Variants in EIF2B3 observed in about 807,000 individuals in gnomAD.
EIF2B3 encodes the protein translation initiation factor eIF2B subunit gamma.
EIF2B3 carries 20 observed loss-of-function variants against 54.1 expected under a neutral mutation model. The observed-to-expected ratio is 0.37, with a 90% CI of 0.26 to 0.54. The LOEUF (loss-of-function observed/expected upper bound fraction) is 0.54, where lower values mean the gene tolerates loss of function less well. EIF2B3 is among the 20% of genes least tolerant of loss of function. The pLI, the probability that EIF2B3 is intolerant of heterozygous loss-of-function variation, is 0.86. For missense variants in EIF2B3, 448 were observed against 547.8 expected (o/e 0.82, Z 1.82); for synonymous variants, 153 against 188.1 (o/e 0.81, Z 1.52).
At chr1:44,853,525 G>C (rs12569156) in intron 11 of EIF2B3, among the ~76,000 whole-genome samples, 27,640 of 152,090 alleles carry the variant, frequency 0.18, 2,766 homozygotes, top group Admixed American at 0.28. Flanking sequence ...GAGGTCGCTT[G>C]AGCCCGGGAG....
chr1:44,929,865 C>T (rs1415033716), intron 4 of EIF2B3, among the ~76,000 whole-genome samples: 1 of 152,132 alleles, frequency 6.6e-6, no homozygotes, highest in East Asian at 1.9e-4. Context: ...TTCTTTGCAG[C>T]TATTACAGTA....
chr1:44,942,377 TTATATATATATATATA>T (rs1170326455), intron 3 of EIF2B3, among the ~76,000 whole-genome samples: 9 of 21,598 alleles, frequency 4.2e-4, no homozygotes, highest in East Asian at 1.8e-3. Context: ...CTTTCTGATT[TTATATATATATATATA>T]TATATATATA....
At position 44,928,499 on chromosome 1, in the gene EIF2B3, CGT is replaced by C. The variant is rs371840258; in HGVS notation, c.455-1762_455-1761del. On this transcript the variant is annotated intron_variant, in intron 4 of 11. Transcript: ENST00000360403. Reference sequence around the variant, plus strand: ...GTTACTTTATTTATTTAGGGCGCTTCGTTTTTTTTTTTTTTAAAGAATTTTCT... The same window carrying C: ...GTTACTTTATTTATTTAGGGCGCTTCTTTTTTTTTTTTTAAAGAATTTTCT... 5.1e-3 allele frequency among the ~76,000 whole-genome samples: 735 copies of C among 142,960 alleles called. 4 individuals are homozygous for C. Among genetic ancestry groups the C allele is most frequent in the East Asian group, 8.4e-3 (41 of 4,856 alleles). The allele number at this position is 142,960 out of a possible 152,430, so 93.8% of individuals were successfully genotyped here. A position where few individuals can be genotyped will look rare whatever the true frequency, so the allele number is the denominator to read the frequency against.
At chr1:44,945,512 C>T (rs1294560761) in intron 3 of EIF2B3, among the ~76,000 whole-genome samples, 3 of 151,314 alleles carry the variant, frequency 2.0e-5, no homozygotes, top group Non-Finnish European at 4.4e-5. Context: ...CGAGATCGCG[C>T]CACTGCACTC....
chr1:44,857,549 GTGA>G, intron 11 of EIF2B3, among the ~76,000 whole-genome samples, 152 bp downstream of exon 11: 1 of 151,940 alleles, frequency 6.6e-6, no homozygotes, highest in South Asian at 2.1e-4. Context: ...AAAATTGACA[GTGA>G]TGTCAACTGC....
chr1:44,922,560 C>G (rs1643769673), intron 5 of EIF2B3, among the ~76,000 whole-genome samples: 1 of 132,220 alleles, frequency 7.6e-6, no homozygotes, highest in Non-Finnish European at 1.5e-5. Flanking sequence ...GCACTCTAGC[C>G]TGGGATATAG....
chr1:44,898,298 T>G (rs1319239644), intron 5 of EIF2B3, among the ~76,000 whole-genome samples: 1 of 152,168 alleles, frequency 6.6e-6, no homozygotes, highest in African/African-American at 2.4e-5. Context: ...CCCACAAAAC[T>G]TGGTATCTAC....
chr1:44,889,447 G>T (rs1304692903), intron 6 of EIF2B3, among the ~76,000 whole-genome samples: 2 of 151,870 alleles, frequency 1.3e-5, no homozygotes, highest in Admixed American at 6.6e-5. Context: ...TGAGGCAGGA[G>T]AATTGCTGGA....
chr1:44,870,543 T>C (rs1011471553), intron 10 of EIF2B3, among the ~76,000 whole-genome samples: 1 of 152,208 alleles, frequency 6.6e-6, no homozygotes, highest in African/African-American at 2.4e-5. Context: ...AATTGCTTGC[T>C]GTTAGTTCCC....
At chr1:44,916,806 G>T (rs1346018114) in intron 5 of EIF2B3, among the ~76,000 whole-genome samples, 1 of 140,132 alleles carries the variant, frequency 7.1e-6, no homozygotes, top group Non-Finnish European at 1.6e-5. Context: ...GCAAGATTCT[G>T]TCGCAAAAAA....
At chr1:44,877,334 T>C (rs1349961426) in intron 8 of EIF2B3, among the ~76,000 whole-genome samples, 3 of 151,708 alleles carry the variant, frequency 2.0e-5, no homozygotes, top group Non-Finnish European at 4.4e-5. Flanking sequence ...AGGACCAAGA[T>C]TATTTATGCA....
chr1:44,909,061 T>C (rs1643466571), intron 5 of EIF2B3, among the ~76,000 whole-genome samples: 1 of 152,070 alleles, frequency 6.6e-6, no homozygotes, highest in Admixed American at 6.6e-5. Flanking sequence ...TTTATATCCG[T>C]GCATAATATT....
In EIF2B3 at chr1:44,872,977, C is replaced by T. The variant is rs1379893421; in HGVS notation, c.1202+1701G>A. On this transcript the variant is annotated intron_variant, in intron 10 of 11. Transcript: ENST00000360403. ...TCTATTAGTGGTGTGCTGACGCTGG[C>T]TTGTTTTAGCTTGGGAGAGGCAATT... is the stretch of plus-strand genomic sequence containing the variant. Among the ~76,000 whole-genome samples the T allele has an allele frequency of 2.0e-5, 3 of 152,162 alleles. No individual in the cohort carries two copies. In the East Asian group the frequency reaches 5.8e-4, roughly 29 times the overall value.
chr1:44,969,468 T>C (rs1234377141), intron 3 of EIF2B3, among the ~76,000 whole-genome samples: 1 of 152,172 alleles, frequency 6.6e-6, no homozygotes, highest in Non-Finnish European at 1.5e-5. Context: ...CAAACACTGA[T>C]TAGATACTTA....
chr1:44,915,397 G>T (rs570526924), intron 5 of EIF2B3, among the ~76,000 whole-genome samples: 7 of 151,908 alleles, frequency 4.6e-5, no homozygotes, highest in Non-Finnish European at 7.4e-5. Flanking sequence ...CTGCAGCCTC[G>T]AACTCCCCGG....
At chr1:44,861,332 C>G (rs1274157959) in intron 10 of EIF2B3, among the ~76,000 whole-genome samples, 2 of 152,088 alleles carry the variant, frequency 1.3e-5, no homozygotes, top group Non-Finnish European at 2.9e-5. Context: ...TTTCAGTTGG[C>G]TACTAGTTTA....
intron 6 of EIF2B3, among the ~76,000 whole-genome samples, chr1:44,885,220 A>T (rs1655536417): frequency 6.6e-6 from 1 of 152,240 alleles, no homozygotes; most frequent in African/African-American, 2.4e-5. Context: ...AGAACAATAG[A>T]CTTGACTACT....
chr1:44,948,447 C>G (rs1644126204), intron 3 of EIF2B3, among the ~76,000 whole-genome samples: 1 of 152,060 alleles, frequency 6.6e-6, no homozygotes, highest in Non-Finnish European at 1.5e-5. Context: ...AATCCATACT[C>G]TAATTTCTAC....
intron 6 of EIF2B3, among the ~76,000 whole-genome samples, chr1:44,886,107 T>A (rs531182432): frequency 2.0e-5 from 3 of 151,384 alleles, no homozygotes; most frequent in Non-Finnish European, 4.4e-5. Flanking sequence ...AAATTTTTGT[T>A]TTTTTAGATA....
Sources: allele counts gnomAD v4.1 joint callset (sites outside exome capture counted in the v4.1 genomes callset), GRCh38; gene constraint gnomAD v4.1.1; transcripts MANE v1.5; gene names NCBI Gene and HGNC (gene_info 2026-07-23, HGNC 2026-07-21).